The following PACRG variants were observed in gnomAD, a reference collection of about 807,000 sequenced individuals.
PACRG encodes the protein parkin coregulated.
A neutral mutation model predicts 29.7 loss-of-function variants in PACRG; 29 were observed. That is an observed-to-expected ratio of 0.98 (90% CI 0.73 to 1.33). The LOEUF is 1.33. Among genes scored for constraint, PACRG ranks in the 40% most tolerant of loss-of-function variants. The probability of loss-of-function intolerance (pLI) is 0.00; values close to 1 mark genes in which losing one functional copy is unlikely to be tolerated. For synonymous variants in PACRG, 116 were observed against 118.7 expected, an observed-to-expected ratio of 0.98 and a Z score of 0.15; for missense variants, 279 against 316.2, an observed-to-expected ratio of 0.88 and a Z score of 0.89.
intron 1 of PACRG, among the ~76,000 whole-genome samples, chr6:162,754,195 A>G (rs1055327236): frequency 6.6e-6 from 1 of 152,188 alleles, no homozygotes; most frequent in South Asian, 2.1e-4. Flanking sequence ...ATGTAAGGTG[A>G]TATCTTTTTG....
intron 1 of PACRG, among the ~76,000 whole-genome samples, chr6:162,748,375 C>T (rs1011071767): frequency 7.9e-5 from 12 of 152,106 alleles, no homozygotes; most frequent in African/African-American, 2.9e-4. Context: ...TGCCTGTTAT[C>T]CCAGCTACTC....
intron 4 of PACRG, among the ~76,000 whole-genome samples, chr6:163,242,572 C>T (rs1782545268): frequency 6.6e-6 from 1 of 152,224 alleles, no homozygotes; most frequent in South Asian, 2.1e-4. Context: ...GCACCAGGCA[C>T]AGAAGGGTGA....
At chr6:163,273,399 T>C (rs1450895220) in intron 4 of PACRG, among the ~76,000 whole-genome samples, 1 of 152,166 alleles carries the variant, frequency 6.6e-6, no homozygotes, top group East Asian at 1.9e-4. Context: ...TTCCCTAAGC[T>C]CTAGAAAAAG....
chr6:163,070,906 C>A (rs761050486), intron 3 of PACRG, among the ~76,000 whole-genome samples: 1 of 151,916 alleles, frequency 6.6e-6, no homozygotes, highest in African/African-American at 2.4e-5. Flanking sequence ...AGTTGCTATA[C>A]TTATATCAGA....
chr6:162,958,230 T>G (rs539524056), intron 2 of PACRG, among the ~76,000 whole-genome samples: 1 of 152,352 alleles, frequency 6.6e-6, no homozygotes, highest in Non-Finnish European at 1.5e-5. Context: ...TGGAAAACTA[T>G]GCCAGCCTTA....
intron 3 of PACRG, among the ~76,000 whole-genome samples, chr6:163,074,842 T>C (rs562801644): frequency 6.6e-6 from 1 of 152,184 alleles, no homozygotes; most frequent in African/African-American, 2.4e-5. Context: ...AAAAAATTAA[T>C]TAGCCAGATG....
intron 2 of PACRG, among the ~76,000 whole-genome samples, chr6:163,041,210 G>A (rs531891076): frequency 8.5e-5 from 13 of 152,158 alleles, no homozygotes; most frequent in Non-Finnish European, 1.2e-4. Flanking sequence ...GGTGGCGGGC[G>A]CCTGTAGTCC....
chr6:163,200,465 G>A (rs1384390393), intron 4 of PACRG, among the ~76,000 whole-genome samples: 1 of 152,120 alleles, frequency 6.6e-6, no homozygotes, highest in Non-Finnish European at 1.5e-5. Context: ...TAACCTTGGA[G>A]TCTAAACGCC....
intron 1 of PACRG, among the ~76,000 whole-genome samples, chr6:162,798,220 A>G (rs1337225890): frequency 6.6e-6 from 1 of 152,126 alleles, no homozygotes; most frequent in Non-Finnish European, 1.5e-5. Context: ...GATGGTTGCA[A>G]GTGTCATTTG....
chr6:163,191,096 G>A (rs1051979465), intron 4 of PACRG: 8 of 396,122 alleles, frequency 2.0e-5, no homozygotes, highest in African/African-American at 1.7e-4. Context: ...TTAGATTCAA[G>A]TTAAAAGAGG....
chr6:163,118,974 G>C (rs1562926611), intron 4 of PACRG, among the ~76,000 whole-genome samples: 1 of 152,138 alleles, frequency 6.6e-6, no homozygotes, highest in Non-Finnish European at 1.5e-5. Flanking sequence ...TCCTTTACTT[G>C]AAAAAGTTCA....
rs551081480 is a variant in PACRG, at chr6:163,248,818, T to C, written c.614-66009T>C. On this transcript the variant is annotated intron_variant, in intron 4 of 4. Transcript: ENST00000366888. ...TCACGAGGTCAGGAGATCGGGACCATCCTGGCTAACATGGTGAAACCCCGT... is the reference window on the plus strand; with the variant it reads ...TCACGAGGTCAGGAGATCGGGACCACCCTGGCTAACATGGTGAAACCCCGT... Among the ~76,000 whole-genome samples, 23 of 152,056 alleles carry C rather than the reference T, an allele frequency of 1.5e-4. No homozygotes were observed. The South Asian group carries it at 4.8e-3, about 32-fold the overall frequency.
intron 2 of PACRG, among the ~76,000 whole-genome samples, chr6:163,022,234 A>G (rs1459412828): frequency 6.6e-6 from 1 of 152,234 alleles, no homozygotes; most frequent in Non-Finnish European, 1.5e-5. Flanking sequence ...TACCTGTTGA[A>G]TTGGGAGTTT....
rs186701107 is a variant in PACRG, at chr6:162,848,983, T to G, written c.291+34702T>G. On this transcript the variant is annotated intron_variant, in intron 2 of 4. Coordinates refer to ENST00000366888, the MANE Select transcript of PACRG (RefSeq NM_001080379.2). Reference sequence around the variant, plus strand: ...GCAACTTTAGGGGAAAGCGAGAGATTTGCAACAGAGATGTTGAAAACTGAA... The same window carrying G: ...GCAACTTTAGGGGAAAGCGAGAGATGTGCAACAGAGATGTTGAAAACTGAA... 2.2e-3 allele frequency among the ~76,000 whole-genome samples: 330 copies of G among 152,286 alleles called. 2 individuals carry two copies. The highest frequency in any genetic ancestry group is 7.7e-3 in the African/African-American group (319 of 41,558).
intron 4 of PACRG, among the ~76,000 whole-genome samples, chr6:163,272,779 G>T (rs893487886): frequency 2.0e-5 from 3 of 151,458 alleles, no homozygotes; most frequent in Non-Finnish European, 2.9e-5. Flanking sequence ...CCATGGAAAT[G>T]ATCATAATAT....
At chr6:162,893,532 G>A (rs768313879) in intron 2 of PACRG, among the ~76,000 whole-genome samples, 1 of 152,136 alleles carries the variant, frequency 6.6e-6, no homozygotes, top group African/African-American at 2.4e-5. Flanking sequence ...GCCAGCAATT[G>A]TAACCCACAC....
At chr6:163,262,791 T>G (rs1783376687) in intron 4 of PACRG, among the ~76,000 whole-genome samples, 1 of 151,724 alleles carries the variant, frequency 6.6e-6, no homozygotes, top group Non-Finnish European at 1.5e-5. Flanking sequence ...CCTGTAATCC[T>G]AGCACTTTGG....
chr6:162,746,499 T>C (rs1780995378), intron 1 of PACRG, among the ~76,000 whole-genome samples: 1 of 152,256 alleles, frequency 6.6e-6, no homozygotes, highest in Non-Finnish European at 1.5e-5. Flanking sequence ...TTATTTCCCA[T>C]TGAAATTTCT....
intron 2 of PACRG, among the ~76,000 whole-genome samples, chr6:162,897,971 G>A (rs1314017164): frequency 6.6e-6 from 1 of 152,164 alleles, no homozygotes; most frequent in Non-Finnish European, 1.5e-5. Context: ...AATCTGCAGA[G>A]GCAGGAAGAG....
Sources: allele counts gnomAD v4.1 joint callset (sites outside exome capture counted in the v4.1 genomes callset), GRCh38; gene constraint gnomAD v4.1.1; transcripts MANE v1.5; gene names NCBI Gene and HGNC (gene_info 2026-07-23, HGNC 2026-07-21).